ERBB4: variants seen among roughly 807,000 people sequenced by gnomAD.
ERBB4 encodes the protein receptor tyrosine-protein kinase erbB-4.
In ERBB4, 42 loss-of-function variants were observed where a neutral mutation model predicts 158.0. That is an observed-to-expected ratio of 0.27 (90% confidence interval 0.21 to 0.34). The LOEUF is 0.34. ERBB4 is among the 10% of genes least tolerant of loss of function. The pLI, the probability that ERBB4 is intolerant of heterozygous loss-of-function variation, is 1.00. For missense variants in ERBB4, 1,333 were observed against 1,624.1 expected, an observed-to-expected ratio of 0.82 and a Z score of 3.08; for synonymous variants, 583 against 558.7, an observed-to-expected ratio of 1.04 and a Z score of -0.61.
At chr2:211,798,634 A>G (rs906470347) in intron 3 of ERBB4, among the ~76,000 whole-genome samples, 4 of 152,114 alleles carry the variant, frequency 2.6e-5, no homozygotes, top group Admixed American at 2.0e-4. Context: ...TGTCTAAACT[A>G]TTTTAAAACC....
At chr2:211,535,284 G>A (rs561803923) in intron 20 of ERBB4, among the ~76,000 whole-genome samples, 9 of 152,078 alleles carry the variant, frequency 5.9e-5, no homozygotes, top group South Asian at 4.2e-4. Context: ...TAGGTAAGGC[G>A]TTCCTGGAAC....
intron 1 of ERBB4, among the ~76,000 whole-genome samples, chr2:212,391,678 A>G (rs1369745568): frequency 7.8e-6 from 1 of 128,094 alleles, no homozygotes; most frequent in Non-Finnish European, 1.7e-5. Flanking sequence ...TATTTTATAT[A>G]TATTATATAT....
At chr2:212,215,338 T>G (rs2083065066) in intron 1 of ERBB4, among the ~76,000 whole-genome samples, 1 of 151,632 alleles carries the variant, frequency 6.6e-6, no homozygotes, top group East Asian at 1.9e-4. Flanking sequence ...TTATGTACAT[T>G]GAAAAATTTA....
At chr2:212,116,767 A>G (rs2079583945) in intron 2 of ERBB4, among the ~76,000 whole-genome samples, 1 of 152,202 alleles carries the variant, frequency 6.6e-6, no homozygotes, top group South Asian at 2.1e-4. Context: ...CATTTAATTG[A>G]AATGATTAAA....
intron 5 of ERBB4, among the ~76,000 whole-genome samples, chr2:211,747,765 A>G (rs1216277211): frequency 6.6e-6 from 1 of 151,920 alleles, no homozygotes; most frequent in African/African-American, 2.4e-5. Context: ...TGAATTTCAC[A>G]TTTTTTACTC....
chr2:212,296,357 A>G (rs2086409238), intron 1 of ERBB4, among the ~76,000 whole-genome samples: 1 of 151,976 alleles, frequency 6.6e-6, no homozygotes, highest in Admixed American at 6.6e-5. Flanking sequence ...AGGAGAAAGT[A>G]GAGGGTGGTT....
At chr2:212,258,251 ATT>A (rs200308627) in intron 1 of ERBB4, among the ~76,000 whole-genome samples, 1,689 of 152,136 alleles carry the variant, frequency 0.011, 38 homozygotes, top group African/African-American at 0.038. Flanking sequence ...CATGCATTTT[ATT>A]TGTTTTCAAA....
At chr2:211,773,172 G>A (rs776600656) in intron 4 of ERBB4, among the ~76,000 whole-genome samples, 8 of 150,650 alleles carry the variant, frequency 5.3e-5, no homozygotes, top group African/African-American at 2.4e-5. Context: ...GTGACATGAC[G>A]GGAGTCCTTG....
chr2:211,629,385 T>G (rs1418348761), intron 17 of ERBB4, among the ~76,000 whole-genome samples: 1 of 151,908 alleles, frequency 6.6e-6, no homozygotes, highest in Non-Finnish European at 1.5e-5. Context: ...CACTGCTCAA[T>G]GAAATAAAAG....
intron 1 of ERBB4, among the ~76,000 whole-genome samples, chr2:212,189,535 T>C (rs2082126701): frequency 6.6e-6 from 1 of 152,222 alleles, no homozygotes; most frequent in Non-Finnish European, 1.5e-5. Flanking sequence ...TCAAATTCTT[T>C]CAAGGCTCTT....
chr2:211,679,522 A>G (rs2072249472), intron 12 of ERBB4, among the ~76,000 whole-genome samples: 1 of 152,216 alleles, frequency 6.6e-6, no homozygotes, highest in African/African-American at 2.4e-5. Flanking sequence ...TTGCTCCACT[A>G]ATAAATAAAA....
chr2:212,395,155 A>T (rs2090988400), intron 1 of ERBB4, among the ~76,000 whole-genome samples: 1 of 152,132 alleles, frequency 6.6e-6, no homozygotes, highest in African/African-American at 2.4e-5. Context: ...CTAATGCAGT[A>T]TAGAGTAGGA....
At chr2:212,236,404 C>A (rs901281070) in intron 1 of ERBB4, among the ~76,000 whole-genome samples, 2 of 152,322 alleles carry the variant, frequency 1.3e-5, no homozygotes, top group Admixed American at 1.3e-4. Flanking sequence ...CGATGTTCAT[C>A]TGGGATAGTG....
At chr2:212,474,285 A>C (rs1389595021) in intron 1 of ERBB4, among the ~76,000 whole-genome samples, 1 of 152,038 alleles carries the variant, frequency 6.6e-6, no homozygotes, top group East Asian at 1.9e-4. Flanking sequence ...ATGATTGTTT[A>C]ATTGAAACAT....
intron 1 of ERBB4, among the ~76,000 whole-genome samples, chr2:212,484,757 C>T (rs1359029828): frequency 1.3e-5 from 2 of 152,208 alleles, no homozygotes; most frequent in Non-Finnish European, 2.9e-5. Flanking sequence ...ACTCACACGA[C>T]CCACACGCCT....
chr2:211,581,839 G>A (rs769108128), intron 19 of ERBB4, among the ~76,000 whole-genome samples: 36 of 151,976 alleles, frequency 2.4e-4, no homozygotes, highest in African/African-American at 2.7e-4. Flanking sequence ...GTGAAACCCC[G>A]TTTCCATTAA....
At chr2:212,145,730 A>T (rs1382335960) in intron 1 of ERBB4, among the ~76,000 whole-genome samples, 3 of 51,870 alleles carry the variant, frequency 5.8e-5, no homozygotes, top group Admixed American at 3.4e-4. Context: ...CATGCAGTAA[A>T]AAAAAAAAAA....
At chr2:211,551,377 A>C (rs2067091988) in intron 20 of ERBB4, among the ~76,000 whole-genome samples, 1 of 152,144 alleles carries the variant, frequency 6.6e-6, no homozygotes, top group African/African-American at 2.4e-5. Context: ...CAATAAATTT[A>C]TTTTGATTTT....
At chr2:211,684,180 G>A (rs1026362621) in intron 12 of ERBB4, among the ~76,000 whole-genome samples, 6 of 152,126 alleles carry the variant, frequency 3.9e-5, no homozygotes, top group Non-Finnish European at 1.5e-5. Context: ...GGCCGGACAC[G>A]GTGGCTCATG....
Sources: gnomAD v4.1 joint callset for allele counts (sites outside exome capture counted in the v4.1 genomes callset) on GRCh38, gnomAD v4.1.1 for gene constraint, MANE v1.5 for transcripts, NCBI Gene and HGNC (gene_info 2026-07-23, HGNC 2026-07-21) for gene names.